NBEA: variants seen among roughly 807,000 people sequenced by gnomAD.
The protein encoded by NBEA is lysosomal-trafficking regulator 2.
In NBEA, 44 loss-of-function variants were observed where a neutral mutation model predicts 343.4. That is an observed-to-expected ratio of 0.13 (90% CI 0.10 to 0.16). The LOEUF (loss-of-function observed/expected upper bound fraction) is 0.16. NBEA is among the 10% of genes least tolerant of loss of function. NBEA has a pLI of 1.00. For missense variants in NBEA, 2,555 were observed against 3,631.3 expected, an observed-to-expected ratio of 0.70 and a Z score of 7.62; for synonymous variants, 1,175 against 1,238.7, an observed-to-expected ratio of 0.95 and a Z score of 1.08.
chr13:35,239,723 T>C (rs1197255464), intron 34 of NBEA, among the ~76,000 whole-genome samples: 1 of 152,050 alleles, frequency 6.6e-6, no homozygotes, highest in Non-Finnish European at 1.5e-5. Context: ...CTAGTAGCCC[T>C]GTCTGTTGTT....
intron 1 of NBEA, among the ~76,000 whole-genome samples, chr13:35,028,232 G>T (rs1400796430): frequency 6.6e-6 from 1 of 151,824 alleles, no homozygotes; most frequent in Non-Finnish European, 1.5e-5. Flanking sequence ...TATAGAAAAT[G>T]CATTAAACTT....
intron 31 of NBEA, among the ~76,000 whole-genome samples, chr13:35,205,483 C>G (rs1035854756): frequency 2.0e-5 from 3 of 152,008 alleles, no homozygotes; most frequent in African/African-American, 7.2e-5. Context: ...GTAACTTTTT[C>G]TCACCCTTTT....
At chr13:35,244,966 T>A (rs2030956270) in intron 34 of NBEA, among the ~76,000 whole-genome samples, 1 of 152,170 alleles carries the variant, frequency 6.6e-6, no homozygotes, top group Non-Finnish European at 1.5e-5. Context: ...ACTGAAACTT[T>A]GCTGAATTCA....
chr13:35,352,039 T>G, intron 37 of NBEA, 118 bp from the exon 38 acceptor site: 1 of 495,638 alleles, frequency 2.0e-6, no homozygotes, highest in East Asian at 3.5e-5. Flanking sequence ...ATCAAAAGAT[T>G]ACATTATTTG....
At position 34,943,090 on chromosome 13, in the gene NBEA, C is replaced by T. The variant is rs1414706444; in HGVS notation, c.270C>T (p.Asp90=). ...AGGTCGGAGAGGTCAGCAACAGGGA[C>T]ATCGTGGAGACGGTGCTCAACCTGG... The part of the protein sequence containing the change: ...LIQVGEVSNR[D]IVETVLNLLV... Residue 90 remains aspartate (D), a synonymous_variant, in exon 1 of 59, where the codon GAC becomes GAT. Transcript: ENST00000379939. 3.1e-6 allele frequency: 5 copies of T among 1,613,564 alleles called. No individual in the cohort carries two copies. In the African/African-American group the frequency reaches 4.0e-5, roughly 13 times the overall value.
At chr13:35,668,243 G>A in intron 57 of NBEA, 125 bp from the exon 58 acceptor site, 2 of 792,036 alleles carry the variant, frequency 2.5e-6, no homozygotes, top group East Asian at 2.9e-5. Flanking sequence ...ATAATGATAA[G>A]GGAACTGTAC....
intron 44 of NBEA, among the ~76,000 whole-genome samples, chr13:35,564,892 A>G (rs891788078): frequency 5.3e-5 from 8 of 152,162 alleles, no homozygotes; most frequent in Non-Finnish European, 1.0e-4. Flanking sequence ...GGGTCATTTT[A>G]TTCCATTTTT....
intron 1 of NBEA, among the ~76,000 whole-genome samples, chr13:35,030,469 G>A (rs1011118020): frequency 6.6e-6 from 1 of 151,412 alleles, no homozygotes; most frequent in Admixed American, 6.6e-5. Context: ...TGGATCTACC[G>A]CTTACTTATG....
At chr13:35,373,407 G>A (rs1317503037) in intron 38 of NBEA, among the ~76,000 whole-genome samples, 1 of 152,072 alleles carries the variant, frequency 6.6e-6, no homozygotes, top group Non-Finnish European at 1.5e-5. Flanking sequence ...AAAATGTAAT[G>A]TTATTAAGGA....
chr13:35,590,826 T>G (rs2081503954), intron 46 of NBEA, among the ~76,000 whole-genome samples: 1 of 152,062 alleles, frequency 6.6e-6, no homozygotes, highest in African/African-American at 2.4e-5. Context: ...CTACTAGTAG[T>G]TAAGAACTGA....
At chr13:35,016,881 A>T (rs1234874539) in intron 1 of NBEA, among the ~76,000 whole-genome samples, 1 of 152,236 alleles carries the variant, frequency 6.6e-6, no homozygotes, top group South Asian at 2.1e-4. Context: ...GTTGGGAGAA[A>T]GTGTGCCTAT....
intron 1 of NBEA, among the ~76,000 whole-genome samples, chr13:35,004,759 A>C (rs1374191855): frequency 6.6e-6 from 1 of 152,220 alleles, no homozygotes; most frequent in Non-Finnish European, 1.5e-5. Flanking sequence ...TGAAGGTGCT[A>C]TCTGGTTAAA....
At chr13:35,203,721 CTTA>C in intron 31 of NBEA, among the ~76,000 whole-genome samples, 1 of 152,240 alleles carries the variant, frequency 6.6e-6, no homozygotes, top group South Asian at 2.1e-4. Flanking sequence ...ACATGTATTA[CTTA>C]TTAGTCAATT....
chr13:35,582,736 A>G (rs1035692598), intron 45 of NBEA, among the ~76,000 whole-genome samples: 23 of 152,182 alleles, frequency 1.5e-4, no homozygotes, highest in Non-Finnish European at 3.1e-4. Context: ...CCTTGCAAAT[A>G]AGAGTTTATT....
At position 34,974,029 on chromosome 13, in the gene NBEA, C is replaced by G. The variant is rs113389317; in HGVS notation, c.294+30915C>G. ...GGGTTCATGAAGGGATCTCTCCTGA[C>G]CTGAGGGTTGCAAAGATCCGTGGGA... is the stretch of plus-strand genomic sequence containing the variant. On this transcript the variant is annotated intron_variant, in intron 1 of 58. Transcript: ENST00000379939. 5.1e-3 allele frequency among the ~76,000 whole-genome samples: 780 copies of G among 152,234 alleles called. 4 individuals are homozygous for G. Among genetic ancestry groups the G allele is most frequent in the African/African-American group, 0.018 (747 of 41,546 alleles).
chr13:35,110,421 T>C (rs2066143171), intron 12 of NBEA, among the ~76,000 whole-genome samples: 1 of 152,162 alleles, frequency 6.6e-6, no homozygotes, highest in Non-Finnish European at 1.5e-5. Context: ...TTTTCAGATA[T>C]GCTTTAGCTG....
intron 46 of NBEA, among the ~76,000 whole-genome samples, chr13:35,588,538 A>G (rs966714566): frequency 2.6e-5 from 4 of 152,182 alleles, no homozygotes; most frequent in Non-Finnish European, 5.9e-5. Flanking sequence ...CTAATTAACT[A>G]CATACTTCAT....
In NBEA at chr13:35,544,169, A is replaced by G. The variant is rs2078960936; in HGVS notation, c.6586-6308A>G. Among the ~76,000 whole-genome samples the G allele has an allele frequency of 2.0e-5, 3 of 152,206 alleles. No homozygotes were observed. The South Asian group carries it at 6.2e-4, about 32-fold the overall frequency. On this transcript the variant is annotated intron_variant, in intron 41 of 58. Coordinates refer to ENST00000379939, the MANE Select transcript of NBEA (RefSeq NM_001385012.1). ...CTTTAATTAAACTGTTGAGGCTGCA[A>G]GTGTGGATTGAACGCGACAACCTTA...
intron 55 of NBEA, among the ~76,000 whole-genome samples, chr13:35,656,590 A>G (rs1451660010): frequency 6.6e-6 from 1 of 152,214 alleles, no homozygotes; most frequent in Non-Finnish European, 1.5e-5. Flanking sequence ...AGTTCCTGTC[A>G]TAGTAATATA....
Sources: allele counts gnomAD v4.1 joint callset (sites outside exome capture counted in the v4.1 genomes callset), GRCh38; gene constraint gnomAD v4.1.1; transcripts MANE v1.5; gene names NCBI Gene and HGNC (gene_info 2026-07-23, HGNC 2026-07-21).